Variants in GNPNAT1 observed in about 807,000 individuals in gnomAD.
GNPNAT1 encodes glucosamine 6-phosphate N-acetyltransferase.
GNPNAT1 carries 11 observed loss-of-function variants against 19.8 expected under a neutral mutation model. The observed-to-expected ratio is 0.56, with a 90% CI of 0.35 to 0.92. The LOEUF is 0.92. GNPNAT1 is among the 40% of genes least tolerant of loss of function. The pLI, the probability that GNPNAT1 is intolerant of heterozygous loss-of-function variation, is 0.01. For synonymous variants in GNPNAT1, 71 were observed against 72.3 expected, an observed-to-expected ratio of 0.98 and a Z score of 0.09; for missense variants, 157 against 211.0, an observed-to-expected ratio of 0.74 and a Z score of 1.59.
chr14:52,784,417 T>A (rs1345527593), intron 2 of GNPNAT1, 80 bp downstream of exon 2: 58 of 1,191,160 alleles, frequency 4.9e-5, no homozygotes, highest in Non-Finnish European at 6.2e-5. Context: ...GTCAAATATT[T>A]AAAAAAAATT....
chr14:52,786,205 C>T (rs1298820863), intron 1 of GNPNAT1, among the ~76,000 whole-genome samples: 2 of 150,956 alleles, frequency 1.3e-5, no homozygotes, highest in Admixed American at 6.6e-5. Context: ...AGCAGATTTT[C>T]TAAAAATCTG....
At chr14:52,786,125 T>C (rs1883013361) in intron 1 of GNPNAT1, among the ~76,000 whole-genome samples, 1 of 151,730 alleles carries the variant, frequency 6.6e-6, no homozygotes, top group Admixed American at 6.6e-5. Flanking sequence ...AATTAATTTT[T>C]TTTTTTGGCA....
intron 5 of GNPNAT1, 137 bp from the exon 6 acceptor site, chr14:52,778,595 T>C: frequency 1.5e-6 from 1 of 687,710 alleles, no homozygotes. Context: ...CCCACTGCAT[T>C]CATGTAAGTT....
intron 3 of GNPNAT1, among the ~76,000 whole-genome samples, chr14:52,783,143 C>A (rs1365601962): frequency 6.6e-6 from 1 of 151,918 alleles, no homozygotes; most frequent in East Asian, 1.9e-4. Flanking sequence ...AAGGGAAATA[C>A]TACAATAAAA....
intron 4 of GNPNAT1, 166 bp downstream of exon 4, chr14:52,781,618 A>G: frequency 3.4e-6 from 2 of 584,772 alleles, no homozygotes; most frequent in Non-Finnish European, 2.8e-6. Flanking sequence ...TTAGCATACA[A>G]TTCATACTGT....
At chr14:52,785,934 A>G (rs1450335568) in intron 1 of GNPNAT1, among the ~76,000 whole-genome samples, 1 of 150,424 alleles carries the variant, frequency 6.6e-6, no homozygotes, top group African/African-American at 2.4e-5. Context: ...TATTTTTAGT[A>G]GAGACGGAGT....
intron 2 of GNPNAT1, 76 bp downstream of exon 2, chr14:52,784,421 A>G: frequency 8.1e-7 from 1 of 1,237,340 alleles, no homozygotes; most frequent in Non-Finnish European, 1.1e-6. Flanking sequence ...AATATTTAAA[A>G]AAAATTATCT....
At chr14:52,790,371 T>G (rs79536751) in intron 1 of GNPNAT1, among the ~76,000 whole-genome samples, 2 of 152,372 alleles carry the variant, frequency 1.3e-5, no homozygotes, top group East Asian at 3.9e-4. Context: ...TTCCTTTATA[T>G]TCATTTTATA....
intron 1 of GNPNAT1, among the ~76,000 whole-genome samples, chr14:52,788,908 ACTTTT>A (rs1433101683): frequency 1.4e-4 from 21 of 152,210 alleles, no homozygotes; most frequent in Admixed American, 5.9e-4. Context: ...ATTTTCTTGT[ACTTTT>A]CTTTGATGAG....
chr14:52,779,724 T>TATA (rs1555361261), intron 5 of GNPNAT1, among the ~76,000 whole-genome samples: 2 of 38,210 alleles, frequency 5.2e-5, no homozygotes, highest in East Asian at 2.0e-3. Context: ...TCCCATCTCT[T>TATA]AAAAAAAAAA....
intron 3 of GNPNAT1, among the ~76,000 whole-genome samples, 193 bp downstream of exon 3, chr14:52,783,229 CA>C (rs1434242059): frequency 6.6e-6 from 1 of 152,014 alleles, no homozygotes; most frequent in Non-Finnish European, 1.5e-5. Context: ...AGATAGTTTG[CA>C]AAAACAAAGT....
At chr14:52,790,192 C>G (rs1440560702) in intron 1 of GNPNAT1, among the ~76,000 whole-genome samples, 1 of 152,016 alleles carries the variant, frequency 6.6e-6, no homozygotes, top group African/African-American at 2.4e-5. Context: ...CTAGAAGCAA[C>G]CAACGGAGAG....
At chr14:52,778,743 T>C (rs1882803758) in intron 5 of GNPNAT1, among the ~76,000 whole-genome samples, 2 of 152,050 alleles carry the variant, frequency 1.3e-5, no homozygotes, top group African/African-American at 4.8e-5. Context: ...TAAGGCTAGG[T>C]GCAGTGACTC....
rs200756037 is a variant in GNPNAT1 at position 52,789,986 on chromosome 14, CAAAAAAAAAAA to C, written c.-15+1431_-15+1441del. Among the ~76,000 whole-genome samples, 103 of 107,232 alleles carry C rather than the reference CAAAAAAAAAAA, an allele frequency of 9.6e-4. 1 individual carries two copies. The East Asian group carries it at 0.016, about 16-fold the overall frequency. The allele number at this position is 107,232 out of a possible 152,430, so 70.3% of individuals were successfully genotyped here. A position where few individuals can be genotyped will look rare whatever the true frequency, so the allele number is the denominator to read the frequency against. Reference sequence around the variant, plus strand: ...TCACATTTCAGAAAATCCAGAAGGACAAAAAAAAAAAAAAAAAAAAAAATTCCCAAACTGCC... The same window carrying C: ...TCACATTTCAGAAAATCCAGAAGGACAAAAAAAAAAAATTCCCAAACTGCC... On this transcript the variant is annotated intron_variant, in intron 1 of 5. Coordinates refer to ENST00000216410, the MANE Select transcript of GNPNAT1 (RefSeq NM_198066.4).
At position 52,778,419 on chromosome 14, in the gene GNPNAT1, G is replaced by A; in HGVS notation, c.447C>T (p.Asn149=). 1 of 1,609,680 alleles carries A rather than the reference G, an allele frequency of 6.2e-7. No individual in the cohort carries two copies. Among genetic ancestry groups the A allele is most frequent in the South Asian group, 1.1e-5 (1 of 90,478 alleles). Reference sequence around the variant, plus strand: ...GACATTCAAGGGTAATCTTGTAACAGTTCAGTTTCTTGCTTAGCAAAGTAA... The same window carrying A: ...GACATTCAAGGGTAATCTTGTAACAATTCAGTTTCTTGCTTAGCAAAGTAA... ...STLTLLSKKL[N]CYKITLECLP... is the part of the protein sequence containing the mutation. Residue 149 remains asparagine (N), a synonymous_variant, in exon 6 of 6, where the codon AAC becomes AAT. Transcript: ENST00000216410.
chr14:52,776,893 C>T lies in GNPNAT1; in HGVS notation c.*1418G>A, dbSNP rs1176438848. 5 of 152,166 alleles carry T rather than the reference C, an allele frequency of 3.3e-5. No homozygotes were observed. The highest frequency in any genetic ancestry group is 1.2e-4 in the African/African-American group (5 of 41,438). The allele number at this position is 152,166 out of a possible 1,614,324, so 9.4% of individuals were successfully genotyped here. A position where few individuals can be genotyped will look rare whatever the true frequency, so the allele number is the denominator to read the frequency against. Reference sequence around the variant, plus strand: ...TTTTAAAAACATGCGTTTTTAATTACCAGGATTTACCTGATAAAACTACTC... The same window carrying T: ...TTTTAAAAACATGCGTTTTTAATTATCAGGATTTACCTGATAAAACTACTC... On this transcript the variant is annotated 3_prime_UTR_variant, in exon 6 of 6. Transcript: ENST00000216410.
At chr14:52,788,564 A>G (rs545955447) in intron 1 of GNPNAT1, among the ~76,000 whole-genome samples, 19 of 152,376 alleles carry the variant, frequency 1.2e-4, no homozygotes, top group Admixed American at 1.1e-3. Flanking sequence ...GTATGTAGAT[A>G]AACAGGCTAA....
chr14:52,781,686 G>A lies in GNPNAT1; in HGVS notation c.345+98C>T, dbSNP rs923025147. 2.3e-5 allele frequency: 25 copies of A among 1,066,534 alleles called. No individual in the cohort carries two copies. The South Asian group carries it at 2.9e-4, about 12-fold the overall frequency. 66.1% of individuals were successfully genotyped at this position (1,066,534 alleles called of 1,614,324 possible). A position where few individuals can be genotyped will look rare whatever the true frequency, so the allele number is the denominator to read the frequency against. ...CACTGGGAAAAGGGATTTCTAAGAGGCACTGAAAATCAATGAGAAAACAGA... is the reference window on the plus strand; with the variant it reads ...CACTGGGAAAAGGGATTTCTAAGAGACACTGAAAATCAATGAGAAAACAGA... On this transcript the variant is annotated intron_variant, in intron 4 of 5. Transcript: ENST00000216410.
At chr14:52,779,152 C>T (rs1594890192) in intron 5 of GNPNAT1, among the ~76,000 whole-genome samples, 1 of 152,134 alleles carries the variant, frequency 6.6e-6, no homozygotes, top group Admixed American at 6.5e-5. Flanking sequence ...GACATACCCA[C>T]ATAAAATGAG....
Sources: gnomAD v4.1 joint callset for allele counts (sites outside exome capture counted in the v4.1 genomes callset) on GRCh38, gnomAD v4.1.1 for gene constraint, MANE v1.5 for transcripts, NCBI Gene and HGNC (gene_info 2026-07-23, HGNC 2026-07-21) for gene names.